Variants in GFOD1 observed in about 807,000 individuals in gnomAD.
The protein encoded by GFOD1 is Gfo/Idh/MocA-like oxidoreductase domain containing 1.
A neutral mutation model predicts 25.4 loss-of-function variants in GFOD1; 9 were observed. The ratio of observed to expected loss-of-function variants is 0.35; its 90% CI spans 0.21 to 0.62. GFOD1 has a LOEUF of 0.62. Ranked by LOEUF, GFOD1 falls within the 20% of genes least tolerant of loss-of-function variation. The probability of loss-of-function intolerance (pLI) is 0.72; values close to 1 mark genes in which losing one functional copy is unlikely to be tolerated. For synonymous variants in GFOD1, 253 were observed against 245.6 expected, an observed-to-expected ratio of 1.03 and a Z score of -0.28; for missense variants, 403 against 556.9, an observed-to-expected ratio of 0.72 and a Z score of 2.78.
intron 1 of GFOD1, among the ~76,000 whole-genome samples, chr6:13,394,709 T>C (rs1195097001): frequency 3.3e-5 from 5 of 151,948 alleles, no homozygotes; most frequent in African/African-American, 1.2e-4. Context: ...CTCAGCTCAC[T>C]GCAACCTCCA....
rs1394341377 is a variant in GFOD1, at chr6:13,362,926, G to T, written c.*1817C>A. Reference sequence around the variant, plus strand: ...TCCAGTCCTCTTAGATTCCCTTCTAGTTCCAATGGCAGCTATCTGAAAAGA... The same window carrying T: ...TCCAGTCCTCTTAGATTCCCTTCTATTTCCAATGGCAGCTATCTGAAAAGA... On this transcript the variant is annotated 3_prime_UTR_variant, in exon 2 of 2. Coordinates refer to ENST00000379287, the MANE Select transcript of GFOD1 (RefSeq NM_018988.4). The T allele has an allele frequency of 6.6e-6, 1 of 152,200 alleles. No homozygotes were observed. Among genetic ancestry groups the T allele is most frequent in the Non-Finnish European group, 1.5e-5 (1 of 68,046 alleles). The allele number at this position is 152,200 out of a possible 1,614,324, so 9.4% of individuals were successfully genotyped here.
chr6:13,443,479 AAATC>A (rs3037820), intron 1 of GFOD1, among the ~76,000 whole-genome samples: 139,681 of 151,794 alleles, frequency 0.92, 65,303 homozygotes, highest in East Asian at 1. Context: ...CCTTGAAAGG[AAATC>A]AATCAATCAA....
chr6:13,484,244 C>T (rs774575741), intron 1 of GFOD1, among the ~76,000 whole-genome samples: 5 of 149,962 alleles, frequency 3.3e-5, no homozygotes, highest in Admixed American at 1.3e-4. Context: ...GTCACCCTCA[C>T]TGGGCAAGCA....
rs772469287 is a variant in GFOD1, at chr6:13,486,929, C to T, written c.-39G>A. On this transcript the variant is annotated 5_prime_UTR_variant, in exon 1 of 2. Transcript: ENST00000379287. ...CGCCTGGTTCTGCTTCTGCTCGGAT[C>T]TCCAGTCCAACGCGCGCACACACCC... 1.3e-6 allele frequency: 2 copies of T among 1,590,812 alleles called. No individual in the cohort carries two copies. The highest frequency in any genetic ancestry group is 3.4e-5 in the Admixed American group (2 of 59,514).
intron 1 of GFOD1, among the ~76,000 whole-genome samples, chr6:13,380,969 C>G (rs1403730888): frequency 6.6e-6 from 1 of 152,178 alleles, no homozygotes; most frequent in Non-Finnish European, 1.5e-5. Context: ...TTCTTCCCTC[C>G]TACAACCTCT....
intron 1 of GFOD1, among the ~76,000 whole-genome samples, chr6:13,449,354 C>T (rs1758057044): frequency 6.6e-6 from 1 of 152,176 alleles, no homozygotes; most frequent in Admixed American, 6.5e-5. Context: ...GACAGCCAAG[C>T]ATGACAGTGC....
At chr6:13,378,066 G>T (rs1235934243) in intron 1 of GFOD1, among the ~76,000 whole-genome samples, 4 of 152,166 alleles carry the variant, frequency 2.6e-5, no homozygotes, top group Admixed American at 1.3e-4. Context: ...AGCTAAAATT[G>T]TATGTATCCA....
intron 1 of GFOD1, among the ~76,000 whole-genome samples, chr6:13,404,794 T>G (rs968105085): frequency 2.0e-5 from 3 of 152,254 alleles, no homozygotes; most frequent in Non-Finnish European, 4.4e-5. Context: ...TGAGTAATTT[T>G]CATGGGATCG....
At chr6:13,455,943 C>G (rs1453490184) in intron 1 of GFOD1, among the ~76,000 whole-genome samples, 3 of 152,216 alleles carry the variant, frequency 2.0e-5, no homozygotes, top group Admixed American at 1.3e-4. Flanking sequence ...ATACCTCTGT[C>G]TTGACTGCTG....
intron 1 of GFOD1, among the ~76,000 whole-genome samples, chr6:13,446,343 G>T (rs1469550191): frequency 6.6e-6 from 1 of 152,216 alleles, no homozygotes; most frequent in African/African-American, 2.4e-5. Flanking sequence ...CCAGGAGAAT[G>T]AGGGGGAAAG....
chr6:13,475,590 T>A (rs1205929244), intron 1 of GFOD1, among the ~76,000 whole-genome samples: 1 of 150,234 alleles, frequency 6.7e-6, no homozygotes, highest in East Asian at 1.9e-4. Flanking sequence ...TGGTGACGGA[T>A]GCCTGTAATC....
At chr6:13,470,740 A>G in intron 1 of GFOD1, 1 of 1,393,662 alleles carries the variant, frequency 7.2e-7, no homozygotes, top group Non-Finnish European at 9.5e-7. Context: ...CCAGGGACAC[A>G]TTTAAATAAC....
intron 1 of GFOD1, among the ~76,000 whole-genome samples, chr6:13,484,751 A>G (rs1170338600): frequency 6.6e-6 from 1 of 152,184 alleles, no homozygotes; most frequent in Non-Finnish European, 1.5e-5. Flanking sequence ...GGTCCCAGAG[A>G]CAGCCAGAAA....
chr6:13,470,582 T>TC, intron 1 of GFOD1: 1 of 1,511,546 alleles, frequency 6.6e-7, no homozygotes, highest in Admixed American at 2.3e-5. Flanking sequence ...CATTTTTTTT[T>TC]CCCCAGTATT....
rs538841579 is a variant in GFOD1, at chr6:13,403,315, G to A, written c.254-37653C>T. Among the ~76,000 whole-genome samples the A allele has an allele frequency of 1.2e-4, 18 of 152,068 alleles. No homozygotes were observed. The South Asian group carries it at 1.2e-3, about 11-fold the overall frequency. On this transcript the variant is annotated intron_variant, in intron 1 of 1. Transcript: ENST00000379287. ...TAATTTTTGTATTTTTAGTAGAGAC[G>A]GGGTTTTGCCATGTTGGCCAGGCTG...
chr6:13,389,105 C>A (rs1785533044), intron 1 of GFOD1, among the ~76,000 whole-genome samples: 1 of 152,176 alleles, frequency 6.6e-6, no homozygotes, highest in Non-Finnish European at 1.5e-5. Context: ...ATTAAAAAGT[C>A]AGGAAACAAC....
At chr6:13,449,165 C>T (rs1758053897) in intron 1 of GFOD1, among the ~76,000 whole-genome samples, 1 of 152,290 alleles carries the variant, frequency 6.6e-6, no homozygotes, top group African/African-American at 2.4e-5. Context: ...GTGGCACATG[C>T]CTACAGTCCC....
chr6:13,429,101 A>T (rs1757698932), intron 1 of GFOD1, among the ~76,000 whole-genome samples: 1 of 152,208 alleles, frequency 6.6e-6, no homozygotes, highest in African/African-American at 2.4e-5. Context: ...CTCAAATGGC[A>T]CAAAGAGGAA....
rs58256557 is a variant in GFOD1, at chr6:13,365,878, CAATAATAATAATAATAAT to C, written c.254-234_254-217del. ...TGGGTAACACAGAGAGATCCTGTCT[CAATAATAATAATAATAAT>C]AATAATAATAATAATAATAATAATA... On this transcript the variant is annotated intron_variant, in intron 1 of 1. Coordinates refer to ENST00000379287, the MANE Select transcript of GFOD1 (RefSeq NM_018988.4). The surrounding 1 kb of genome is among the most constrained non-coding windows in gnomAD (Gnocchi z 9.2). 7.5e-5 allele frequency among the ~76,000 whole-genome samples: 10 copies of C among 133,906 alleles called. No individual in the cohort carries two copies. Among genetic ancestry groups the C allele is most frequent in the South Asian group, 2.5e-4 (1 of 3,940 alleles). The allele number at this position is 133,906 out of a possible 152,430, so 87.8% of individuals were successfully genotyped here.
Sources: allele counts gnomAD v4.1 joint callset (sites outside exome capture counted in the v4.1 genomes callset), GRCh38; gene constraint gnomAD v4.1.1; non-coding constraint Gnocchi (gnomAD v3.1); transcripts MANE v1.5; gene names NCBI Gene and HGNC (gene_info 2026-07-23, HGNC 2026-07-21).